The following TMEM45A variants were observed in gnomAD, a reference collection of about 807,000 sequenced individuals.
TMEM45A encodes the protein DNA polymerase-transactivated protein 4.
In TMEM45A, 25 loss-of-function variants were observed where a neutral mutation model predicts 32.0. That is an observed-to-expected ratio of 0.78 (90% CI 0.57 to 1.09). The LOEUF is 1.09. Among genes scored for constraint, TMEM45A ranks in the 50% least tolerant of loss-of-function variants. The probability of loss-of-function intolerance (pLI) is 0.00; values close to 1 mark genes in which losing one functional copy is unlikely to be tolerated. For missense variants in TMEM45A, 302 were observed against 325.0 expected (o/e 0.93, Z 0.54); for synonymous variants, 122 against 114.8 (o/e 1.06, Z -0.40).
At chr3:100,553,529 A>G (rs898082742) in intron 1 of TMEM45A, among the ~76,000 whole-genome samples, 2 of 152,192 alleles carry the variant, frequency 1.3e-5, no homozygotes, top group Non-Finnish European at 2.9e-5. Context: ...TGCAGTCTGT[A>G]TATACTTTTC....
intron 1 of TMEM45A, among the ~76,000 whole-genome samples, chr3:100,546,099 G>T (rs1705974640): frequency 6.6e-6 from 1 of 152,104 alleles, no homozygotes; most frequent in South Asian, 2.1e-4. Flanking sequence ...ATGGAAGGAG[G>T]GGGGCTATGA....
At chr3:100,576,451 C>T (rs1036652828) in intron 5 of TMEM45A, among the ~76,000 whole-genome samples, 13 of 151,314 alleles carry the variant, frequency 8.6e-5, no homozygotes, top group Admixed American at 8.6e-4. Flanking sequence ...AGCAAAACTC[C>T]GTTTAAAAAA....
At chr3:100,532,402 T>C (rs980580825) in intron 1 of TMEM45A, among the ~76,000 whole-genome samples, 2 of 152,184 alleles carry the variant, frequency 1.3e-5, no homozygotes, top group South Asian at 2.1e-4. Flanking sequence ...ACAAAAGTCA[T>C]CTACAGCAGG....
At chr3:100,572,920 G>A (rs1445333942) in intron 5 of TMEM45A, 9 of 150,546 alleles carry the variant, frequency 6.0e-5, no homozygotes, top group African/African-American at 2.2e-4. Flanking sequence ...TAGATATGTG[G>A]CATTATTTCT....
chr3:100,513,815 A>G (rs1028694977), intron 1 of TMEM45A, among the ~76,000 whole-genome samples: 1 of 152,204 alleles, frequency 6.6e-6, no homozygotes, highest in African/African-American at 2.4e-5. Flanking sequence ...AATCACAAGC[A>G]TTCTTATACA....
At chr3:100,523,690 CT>C (rs1705481845) in intron 1 of TMEM45A, among the ~76,000 whole-genome samples, 3 of 70,116 alleles carry the variant, frequency 4.3e-5, no homozygotes, top group Non-Finnish European at 7.1e-5. Flanking sequence ...CTTTCTCCTC[CT>C]TCTCCTTCTC....
Position 100,555,358 on chromosome 3 carries a change from G to A in TMEM45A, c.147G>A (p.Leu49=), listed in dbSNP as rs1706197179. 2.5e-6 allele frequency: 4 copies of A among 1,613,890 alleles called. No individual in the cohort carries two copies. The highest frequency in any genetic ancestry group is 1.7e-6 in the Non-Finnish European group (2 of 1,179,902). The change falls in exon 2 of 6, where the codon TTG becomes TTA. Residue 49 remains leucine, a synonymous_variant. Coordinates refer to ENST00000323523, the MANE Select transcript of TMEM45A (RefSeq NM_018004.3). ...YLGSKTLFYR[L]EILEGITIVG... is the part of the protein sequence containing the mutation. ...GTTCCAAAACATTATTCTATCGATT[G>A]GAAATTTTGGAGGGAATTACAATAG...
intron 5 of TMEM45A, chr3:100,572,815 A>G (rs1256648851): frequency 4.7e-5 from 7 of 149,560 alleles, no homozygotes; most frequent in African/African-American, 1.7e-4. Context: ...AGCTTTCTAC[A>G]TATGGCTAGC....
At chr3:100,557,511 C>T (rs1047297830) in intron 3 of TMEM45A, among the ~76,000 whole-genome samples, 2 of 151,266 alleles carry the variant, frequency 1.3e-5, no homozygotes, top group Non-Finnish European at 2.9e-5. Context: ...TTCAGCTGGT[C>T]TCCCAGTTAC....
intron 1 of TMEM45A, among the ~76,000 whole-genome samples, chr3:100,509,618 A>C (rs564579018): frequency 6.6e-6 from 1 of 152,352 alleles, no homozygotes; most frequent in South Asian, 2.1e-4. Context: ...GGAGGAGCCA[A>C]GATGGCCAAA....
chr3:100,567,703 C>T (rs557084581), intron 4 of TMEM45A, among the ~76,000 whole-genome samples: 2 of 152,152 alleles, frequency 1.3e-5, no homozygotes, highest in South Asian at 2.1e-4. Flanking sequence ...TTTTGGTGTA[C>T]AAGTCTTAAA....
intron 5 of TMEM45A, chr3:100,571,534 G>A (rs1015721697): frequency 6.6e-6 from 1 of 151,986 alleles, no homozygotes; most frequent in African/African-American, 2.4e-5. Context: ...AATTTAAACT[G>A]ATTTGTTTAC....
At chr3:100,511,134 TACTCCTCGAGAAGAGC>T (rs1708153247) in intron 1 of TMEM45A, among the ~76,000 whole-genome samples, 1 of 151,894 alleles carries the variant, frequency 6.6e-6, no homozygotes, top group Non-Finnish European at 1.5e-5. Context: ...GCCACAAAGA[TACTCCTCGAGAAGAGC>T]AACTCCAAGA....
At chr3:100,555,484 T>C (rs1326445998) in intron 2 of TMEM45A, 83 bp downstream of exon 2, 1 of 1,366,348 alleles carries the variant, frequency 7.3e-7, no homozygotes, top group Non-Finnish European at 1.0e-6. Context: ...TCTGAAATAA[T>C]TTTATATCAA....
chr3:100,540,194 A>G (rs893384693), intron 1 of TMEM45A, among the ~76,000 whole-genome samples: 3 of 152,182 alleles, frequency 2.0e-5, no homozygotes, highest in Non-Finnish European at 2.9e-5. Flanking sequence ...ATGGAAAAAG[A>G]AAGGTCTATG....
chr3:100,576,267 G>A (rs1018126010), intron 5 of TMEM45A, among the ~76,000 whole-genome samples: 3 of 152,156 alleles, frequency 2.0e-5, no homozygotes, highest in Non-Finnish European at 4.4e-5. Context: ...TGGCCAAGAT[G>A]GTGAAACCCC....
At chr3:100,535,076 C>T (rs1219465749) in intron 1 of TMEM45A, among the ~76,000 whole-genome samples, 1 of 152,106 alleles carries the variant, frequency 6.6e-6, no homozygotes, top group African/African-American at 2.4e-5. Flanking sequence ...TGTGTGTTAA[C>T]TTGTCACAGG....
chr3:100,522,886 C>A (rs991389961), intron 1 of TMEM45A, among the ~76,000 whole-genome samples: 5 of 152,186 alleles, frequency 3.3e-5, no homozygotes, highest in Admixed American at 1.3e-4. Context: ...TGTACTTTCC[C>A]AGGATGTTGT....
intron 1 of TMEM45A, among the ~76,000 whole-genome samples, chr3:100,498,039 TG>T (rs1455468844): frequency 6.6e-6 from 1 of 152,216 alleles, no homozygotes. Flanking sequence ...GATTGGATCA[TG>T]GGGACGGTTT....
Sources: allele counts gnomAD v4.1 joint callset (sites outside exome capture counted in the v4.1 genomes callset), GRCh38; gene constraint gnomAD v4.1.1; transcripts MANE v1.5; gene names NCBI Gene and HGNC (gene_info 2026-07-23, HGNC 2026-07-21).